UGT3A1: variants seen among roughly 807,000 people sequenced by gnomAD.
UGT3A1 encodes the protein UDP-glycosyltransferase 3A1.
Under a neutral mutation model 37.6 loss-of-function variants are expected in UGT3A1, and 40 were observed. The observed-to-expected ratio is 1.06, with a 90% CI of 0.83 to 1.38. UGT3A1 has a LOEUF of 1.38. Among genes scored for constraint, UGT3A1 ranks in the 40% most tolerant of loss-of-function variants. The pLI is 0.00. For missense variants in UGT3A1, 642 were observed against 634.2 expected (o/e 1.01, Z -0.13); for synonymous variants, 256 against 232.3 (o/e 1.10, Z -0.93).
At chr5:35,963,787 C>T (rs1739684720) in intron 4 of UGT3A1, among the ~76,000 whole-genome samples, 1 of 152,160 alleles carries the variant, frequency 6.6e-6, no homozygotes, top group South Asian at 2.1e-4. Context: ...CTTGTACATG[C>T]TGTGGACACA....
Position 35,957,287 on chromosome 5 carries a change from C to A in UGT3A1, c.976G>T (p.Gly326Ter). 2 of 1,614,154 alleles carry A rather than the reference C, an allele frequency of 1.2e-6. No homozygotes were observed. The highest frequency in any genetic ancestry group is 1.7e-6 in the Non-Finnish European group (2 of 1,180,016). Residue 326 changes from glycine to a stop codon, truncating the protein, a stop_gained, in exon 5 of 7, where the codon GGA (glycine) becomes TGA (stop). Transcript: ENST00000274278. LOFTEE classifies it high-confidence loss of function. ...MHNAFAHLPQ[G>*]VIWTCQSSHW... ...GAACTCTGACATGTCCATATCACTC[C>A]TTGAGGGAGGTGGGCAAAGGCATTG... is the stretch of plus-strand genomic sequence containing the variant.
chr5:35,964,850 G>A (rs1739732979), intron 4 of UGT3A1, among the ~76,000 whole-genome samples: 1 of 152,172 alleles, frequency 6.6e-6, no homozygotes, highest in Admixed American at 6.5e-5. Context: ...TACAATGGCA[G>A]GGGCCCACCC....
chr5:35,998,502 A>G (rs996346877), intron 1 of UGT3A1, among the ~76,000 whole-genome samples: 27 of 152,176 alleles, frequency 1.8e-4, no homozygotes, highest in Non-Finnish European at 2.9e-4. Flanking sequence ...GGCTTTTATT[A>G]TCTCCCAATA....
At chr5:35,992,322 A>C (rs927818249), upstream of UGT3A1, among the ~76,000 whole-genome samples, 6 of 152,234 alleles carry the variant, frequency 3.9e-5, no homozygotes, top group South Asian at 1.0e-3. Context: ...AGAAAGAGAG[A>C]GAGCCAGACA....
At chr5:35,984,764 C>T (rs377145465) in intron 2 of UGT3A1, among the ~76,000 whole-genome samples, 22 of 152,242 alleles carry the variant, frequency 1.4e-4, no homozygotes, top group South Asian at 6.2e-4. Flanking sequence ...TGAGCCACCA[C>T]GCCCAGCCAA....
At position 35,955,386 on chromosome 5, in the gene UGT3A1, TA is replaced by T. The variant is rs1403564744; in HGVS notation, c.1295+258del. 3 of 591,340 alleles carry T rather than the reference TA, an allele frequency of 5.1e-6. No individual in the cohort carries two copies. The Admixed American group carries it at 8.9e-5, about 18-fold the overall frequency. The allele number at this position is 591,340 out of a possible 1,614,324, so 36.6% of individuals were successfully genotyped here. A position where few individuals can be genotyped will look rare whatever the true frequency, so the allele number is the denominator to read the frequency against. On this transcript the variant is annotated intron_variant, in intron 6 of 6. Transcript: ENST00000274278. ...ATTCCACTAGAGGGACTCCCAAATA[TA>T]AGATCAGTCAAAGAGATCATGTGTA...
At chr5:35,972,494 C>CGTGTGTGTGT (rs4024103) in intron 2 of UGT3A1, among the ~76,000 whole-genome samples, 1,445 of 141,432 alleles carry the variant, frequency 0.01, 15 homozygotes, top group Admixed American at 0.022. Context: ...CCTTGAAATA[C>CGTGTGTGTGT]GTGTGTGTGT....
intron 2 of UGT3A1, among the ~76,000 whole-genome samples, chr5:35,979,797 A>T (rs909015504): frequency 6.6e-6 from 1 of 152,206 alleles, no homozygotes; most frequent in African/African-American, 2.4e-5. Context: ...GTAATTTACA[A>T]AGAAAAAGAT....
At chr5:35,972,793 T>C (rs1278360287) in intron 2 of UGT3A1, among the ~76,000 whole-genome samples, 2 of 151,570 alleles carry the variant, frequency 1.3e-5, no homozygotes, top group South Asian at 2.1e-4. Flanking sequence ...TCTAATTTGA[T>C]AGAGAAAGCA....
chr5:35,975,392 T>C (rs779489546), intron 2 of UGT3A1, among the ~76,000 whole-genome samples: 1 of 152,206 alleles, frequency 6.6e-6, no homozygotes, highest in Non-Finnish European at 1.5e-5. Flanking sequence ...AATTCCATTA[T>C]GAAAGAGATA....
At chr5:35,985,200 A>G (rs184087865) in intron 2 of UGT3A1, among the ~76,000 whole-genome samples, 264 of 152,094 alleles carry the variant, frequency 1.7e-3, no homozygotes, top group Admixed American at 3.2e-3. Context: ...CCACTGAAAG[A>G]AACTGAAGAG....
upstream of UGT3A1, among the ~76,000 whole-genome samples, chr5:35,994,998 G>A (rs902893141): frequency 6.6e-6 from 1 of 152,164 alleles, no homozygotes; most frequent in East Asian, 1.9e-4. Context: ...GATGGAAAAC[G>A]CAGGCACAAA....
In UGT3A1 at chr5:35,991,232, C is replaced by T. The variant is rs1428591548; in HGVS notation, c.9G>A (p.Gly3=). 6.2e-7 allele frequency: 1 copy of T among 1,614,254 alleles called. No individual in the cohort carries two copies. Among genetic ancestry groups the T allele is most frequent in the South Asian group, 1.1e-5 (1 of 91,086 alleles). MV[G]QRVLLLVAFL... ...AGGCCACTAGAAGCAGCACCCGCTG[C>T]CCAACCATGCTCACTTCCACAGAAG... The change falls in exon 1 of 7, where the codon GGG becomes GGA. Residue 3 remains glycine (G), a synonymous_variant. Coordinates refer to ENST00000274278, the MANE Select transcript of UGT3A1 (RefSeq NM_152404.4).
intron 2 of UGT3A1, among the ~76,000 whole-genome samples, chr5:35,973,080 C>A (rs894264995): frequency 1.1e-4 from 16 of 152,184 alleles, no homozygotes; most frequent in Admixed American, 1.0e-3. Flanking sequence ...TCCTATGAAT[C>A]TGGGGCTATT....
At chr5:35,983,576 A>G (rs985558179) in intron 2 of UGT3A1, among the ~76,000 whole-genome samples, 1 of 152,158 alleles carries the variant, frequency 6.6e-6, no homozygotes, top group Admixed American at 6.5e-5. Flanking sequence ...TACCAAAATC[A>G]GACAAGGGCA....
chr5:35,978,189 C>A (rs1399136081), intron 2 of UGT3A1, among the ~76,000 whole-genome samples: 2 of 152,104 alleles, frequency 1.3e-5, no homozygotes, highest in Admixed American at 1.3e-4. Context: ...TGCACACCTC[C>A]AGGCCTGGCT....
intron 2 of UGT3A1, chr5:35,997,193 A>C (rs1283796559): frequency 1.3e-5 from 2 of 152,170 alleles, no homozygotes; most frequent in Non-Finnish European, 2.9e-5. Context: ...ATACCCAGAC[A>C]CCCAGCAGTC....
intron 4 of UGT3A1, chr5:35,963,061 CCT>C (rs1739654531): frequency 1.6e-6 from 1 of 640,426 alleles, no homozygotes; most frequent in Non-Finnish European, 2.8e-6. Flanking sequence ...ATCTGTTGTC[CCT>C]GAGTCCTGGC....
chr5:35,969,396 G>T (rs192356002), intron 2 of UGT3A1, among the ~76,000 whole-genome samples: 1 of 152,266 alleles, frequency 6.6e-6, no homozygotes, highest in Admixed American at 6.5e-5. Context: ...TTACCAGAAA[G>T]AAGGTCTCTA....
Sources: allele counts gnomAD v4.1 joint callset (sites outside exome capture counted in the v4.1 genomes callset), GRCh38; gene constraint gnomAD v4.1.1; transcripts MANE v1.5; gene names NCBI Gene and HGNC (gene_info 2026-07-23, HGNC 2026-07-21).